The following SFI1 variants were observed in gnomAD, a reference collection of about 807,000 sequenced individuals.
SFI1 encodes the protein protein SFI1 homolog.
In SFI1, 195 loss-of-function variants were observed where a neutral mutation model predicts 207.5. That is an observed-to-expected ratio of 0.94 (90% CI 0.84 to 1.06). SFI1 has a LOEUF of 1.06. SFI1 is among the 50% of genes least tolerant of loss of function. SFI1 has a pLI of 0.00. For missense variants in SFI1, 1,634 were observed against 1,588.0 expected, an observed-to-expected ratio of 1.03 and a Z score of -0.49; for synonymous variants, 630 against 598.9, an observed-to-expected ratio of 1.05 and a Z score of -0.76.
chr22:31,603,245 G>A (rs1429191604), intron 17 of SFI1, among the ~76,000 whole-genome samples: 1 of 151,842 alleles, frequency 6.6e-6, no homozygotes. Flanking sequence ...ACGAACAAAA[G>A]TGACCATAGC....
chr22:31,551,146 T>C (rs1438149324), intron 6 of SFI1, among the ~76,000 whole-genome samples: 2 of 152,164 alleles, frequency 1.3e-5, no homozygotes, highest in Non-Finnish European at 2.9e-5. Context: ...TTCATTAATC[T>C]CCCTCATTTA....
Position 31,613,197 on chromosome 22 carries a change from C to T in SFI1, c.2546C>T (p.Ala849Val), listed in dbSNP as rs779318960. Residue 849 changes from alanine to valine, a missense_variant, in exon 25 of 33, where the codon GCC (alanine) becomes GTC (valine). By Grantham distance (64) the Ala-to-Val change is moderately conservative. Transcript: ENST00000400288. ...RATVRALWFW[A>V]FSLQAKVWAT... The stretch of plus-strand genomic sequence containing the variant: ...ACAGTGCGGGCCCTGTGGTTCTGGG[C>T]CTTCTCGCTGCAGGCAAAGGTAATT... 6.2e-7 allele frequency: 1 copy of T among 1,613,808 alleles called. No individual in the cohort carries two copies. Among genetic ancestry groups the T allele is most frequent in the South Asian group, 1.1e-5 (1 of 91,074 alleles).
intron 2 of SFI1, among the ~76,000 whole-genome samples, chr22:31,512,951 G>A (rs1250900707): frequency 4.6e-5 from 7 of 152,152 alleles, no homozygotes; most frequent in African/African-American, 1.4e-4. Context: ...CTCCCAAAGT[G>A]CTGGGATTAC....
At chr22:31,567,095 C>T (rs964120906) in intron 8 of SFI1, among the ~76,000 whole-genome samples, 3 of 151,960 alleles carry the variant, frequency 2.0e-5, no homozygotes, top group African/African-American at 2.4e-5. Context: ...TTAGTAGAGA[C>T]GGGGTTTCAC....
At chr22:31,594,388 A>G (rs2066730781) in intron 15 of SFI1, among the ~76,000 whole-genome samples, 1 of 151,232 alleles carries the variant, frequency 6.6e-6, no homozygotes, top group South Asian at 2.1e-4. Flanking sequence ...TCTTTACTAA[A>G]GATACAAAAA....
intron 8 of SFI1, among the ~76,000 whole-genome samples, chr22:31,565,176 C>T (rs1250391389): frequency 6.6e-6 from 1 of 152,002 alleles, no homozygotes; most frequent in African/African-American, 2.4e-5. Context: ...CTTTACCCTC[C>T]CTCCGTCCCT....
intron 2 of SFI1, among the ~76,000 whole-genome samples, chr22:31,515,462 C>T (rs115953817): frequency 3.9e-4 from 58 of 150,604 alleles, no homozygotes; most frequent in African/African-American, 1.3e-3. Context: ...ATCCTCCTTC[C>T]TCAGCCTCCC....
intron 4 of SFI1, among the ~76,000 whole-genome samples, chr22:31,537,030 A>G (rs953133449): frequency 4.0e-5 from 6 of 151,008 alleles, no homozygotes; most frequent in East Asian, 2.1e-4. Flanking sequence ...GATTACAGGC[A>G]TGAGGGGATT....
chr22:31,575,457 T>C, intron 10 of SFI1, 65 bp downstream of exon 10: 1 of 1,445,126 alleles, frequency 6.9e-7, no homozygotes, highest in Non-Finnish European at 9.2e-7. Flanking sequence ...CAGCAGCATG[T>C]GAAACGAAAG....
intron 31 of SFI1, among the ~76,000 whole-genome samples, chr22:31,617,853 G>T (rs896290681): frequency 8.5e-5 from 13 of 152,134 alleles, no homozygotes; most frequent in Non-Finnish European, 1.9e-4. Context: ...GCTCTGCACA[G>T]GGGGAGAGAG....
chr22:31,580,080 C>T (rs767848809), intron 11 of SFI1, 192 bp from the exon 12 acceptor site: 68 of 545,810 alleles, frequency 1.2e-4, no homozygotes, highest in Admixed American at 2.7e-4. Context: ...GCCTGCTGTG[C>T]AGGCTGGCTT....
intron 24 of SFI1, chr22:31,612,398 A>AAAAATATATATAT (rs1556369798): frequency 1.7e-5 from 1 of 60,194 alleles, no homozygotes; most frequent in African/African-American, 6.7e-5. Context: ...AAAAAAAAAA[A>AAAAATATATATAT]ATATATATAT....
chr22:31,586,913 A>G (rs2065095007), intron 14 of SFI1, among the ~76,000 whole-genome samples: 1 of 152,134 alleles, frequency 6.6e-6, no homozygotes, highest in Non-Finnish European at 1.5e-5. Context: ...TCATTCCTAA[A>G]CCTTTAGCTA....
intron 31 of SFI1, 107 bp downstream of exon 31, chr22:31,617,185 G>T: frequency 8.4e-7 from 1 of 1,197,064 alleles, no homozygotes; most frequent in Non-Finnish European, 1.2e-6. Flanking sequence ...GGGTCCTGTA[G>T]GTGGTCTCGG....
At chr22:31,551,311 G>T (rs2060599622) in intron 6 of SFI1, among the ~76,000 whole-genome samples, 1 of 152,108 alleles carries the variant, frequency 6.6e-6, no homozygotes. Flanking sequence ...CACACTGGAT[G>T]TGCACTTCTT....
chr22:31,555,908 T>C (rs2061114508), intron 6 of SFI1, among the ~76,000 whole-genome samples: 2 of 152,358 alleles, frequency 1.3e-5, no homozygotes, highest in African/African-American at 4.8e-5. Context: ...GTTATAGTCC[T>C]GTCGACTACA....
intron 8 of SFI1, 145 bp downstream of exon 8, chr22:31,561,537 A>G: frequency 1.5e-6 from 1 of 651,776 alleles, no homozygotes; most frequent in Non-Finnish European, 2.6e-6. Flanking sequence ...GGGCTCTTCC[A>G]GAGGGAGGCT....
intron 5 of SFI1, among the ~76,000 whole-genome samples, chr22:31,548,641 T>C (rs1602513093): frequency 7.4e-6 from 1 of 135,166 alleles, no homozygotes; most frequent in African/African-American, 2.8e-5. Flanking sequence ...AGACTCCGTC[T>C]CCAAAAAAAA....
chr22:31,558,896 A>C (rs2061416563), intron 7 of SFI1, among the ~76,000 whole-genome samples: 1 of 152,106 alleles, frequency 6.6e-6, no homozygotes, highest in African/African-American at 2.4e-5. Context: ...GGCTGACTGC[A>C]AGCTCTGCTT....
Sources: gnomAD v4.1 joint callset for allele counts (sites outside exome capture counted in the v4.1 genomes callset) on GRCh38, gnomAD v4.1.1 for gene constraint, MANE v1.5 for transcripts, NCBI Gene and HGNC (gene_info 2026-07-23, HGNC 2026-07-21) for gene names.